AK3: variants seen among roughly 807,000 people sequenced by gnomAD.
AK3 encodes the protein adenylate kinase 3, also known as GTP:AMP phosphotransferase AK3, mitochondrial.
A neutral mutation model predicts 23.7 loss-of-function variants in AK3; 27 were observed. The ratio of observed to expected loss-of-function variants is 1.14; its 90% CI spans 0.84 to 1.57. AK3 has a LOEUF of 1.57. AK3 is among the 40% of genes most tolerant of loss of function. AK3 has a pLI of 0.00. For synonymous variants in AK3, 159 were observed against 116.0 expected, an observed-to-expected ratio of 1.37 and a Z score of -2.38; for missense variants, 406 against 285.6, an observed-to-expected ratio of 1.42 and a Z score of -3.04.
intron 1 of AK3, among the ~76,000 whole-genome samples, chr9:4,731,267 T>G (rs1295370870): frequency 6.6e-6 from 1 of 152,082 alleles, no homozygotes; most frequent in Non-Finnish European, 1.5e-5. Flanking sequence ...CTCTCCCTCC[T>G]CCCCACCTCC....
chr9:4,722,478 G>A, intron 2 of AK3, 28 bp downstream of exon 2: 1 of 1,613,900 alleles, frequency 6.2e-7, no homozygotes, highest in Non-Finnish European at 8.5e-7. Flanking sequence ...ATTTTGGGCA[G>A]GTGAAATGCT....
intron 1 of AK3, among the ~76,000 whole-genome samples, chr9:4,734,728 C>A (rs981216057): frequency 6.6e-6 from 1 of 152,046 alleles, no homozygotes; most frequent in East Asian, 1.9e-4. Flanking sequence ...CATAAGATAA[C>A]AGAAAAAGAG....
chr9:4,737,598 C>T (rs1367217311), intron 1 of AK3, among the ~76,000 whole-genome samples: 2 of 152,122 alleles, frequency 1.3e-5, no homozygotes, highest in Non-Finnish European at 2.9e-5. Context: ...CCTGTAGTCC[C>T]AGCTACCTGA....
intron 1 of AK3, among the ~76,000 whole-genome samples, chr9:4,737,965 G>A (rs917384491): frequency 2.0e-5 from 3 of 152,058 alleles, no homozygotes; most frequent in African/African-American, 7.2e-5. Flanking sequence ...AACTAAATTG[G>A]CACAATCCTT....
At chr9:4,715,744 G>A (rs1841709495) in intron 4 of AK3, among the ~76,000 whole-genome samples, 1 of 152,038 alleles carries the variant, frequency 6.6e-6, no homozygotes, top group African/African-American at 2.4e-5. Context: ...AACAACCCCT[G>A]GTACTTCACT....
At position 4,711,985 on chromosome 9, in the gene AK3, C is replaced by T. The variant is rs1347173624; in HGVS notation, c.*991G>A. 6.6e-6 allele frequency: 1 copy of T among 152,176 alleles called. No homozygotes were observed. Among genetic ancestry groups the T allele is most frequent in the Non-Finnish European group, 1.5e-5 (1 of 68,014 alleles). 9.4% of individuals were successfully genotyped at this position (152,176 alleles called of 1,614,324 possible). ...TTATGCCAAGGGAGCATTTCCCAGG[C>T]ATGCCTCATCTATTTACTAACAACA... On this transcript the variant is annotated 3_prime_UTR_variant, in exon 5 of 5. Transcript: ENST00000381809.
chr9:4,732,553 T>C (rs1229977027), intron 1 of AK3, among the ~76,000 whole-genome samples: 1 of 152,180 alleles, frequency 6.6e-6, no homozygotes, highest in Non-Finnish European at 1.5e-5. Context: ...AAGTAAATTA[T>C]TTATGATAAG....
In AK3 at chr9:4,714,164, A is replaced by ACCTCCACACATACG. The variant is rs1184085748; in HGVS notation, c.564-1082_564-1069dup. On this transcript the variant is annotated intron_variant, in intron 4 of 4. Coordinates refer to ENST00000381809, the MANE Select transcript of AK3 (RefSeq NM_016282.4). Reference sequence around the variant, plus strand: ...CATATACACACCTCCACATACACACACCTCCACACATACGCCTCCACATAC... The same window carrying ACCTCCACACATACG: ...CATATACACACCTCCACATACACACACCTCCACACATACGCCTCCACACATACGCCTCCACATAC... Among the ~76,000 whole-genome samples, 2 of 70,124 alleles carry ACCTCCACACATACG rather than the reference A, an allele frequency of 2.9e-5. 1 individual carries two copies. Among genetic ancestry groups the ACCTCCACACATACG allele is most frequent in the Non-Finnish European group, 6.2e-5 (2 of 32,088 alleles). 46.0% of individuals were successfully genotyped at this position (70,124 alleles called of 152,430 possible).
At chr9:4,716,912 CAG>C (rs1302571356) in intron 4 of AK3, among the ~76,000 whole-genome samples, 1 of 152,160 alleles carries the variant, frequency 6.6e-6, no homozygotes, top group African/African-American at 2.4e-5. Context: ...ACCTGGGTGA[CAG>C]AGTGAGACCC....
chr9:4,723,953 G>GTGTGGT (rs149082825), intron 1 of AK3, among the ~76,000 whole-genome samples: 4 of 152,084 alleles, frequency 2.6e-5, no homozygotes, highest in African/African-American at 9.7e-5. Context: ...TTGCCATACT[G>GTGTGGT]ACCCCAAAAC....
At chr9:4,741,936 A>C (rs935991233), upstream of AK3, 2 of 151,964 alleles carry the variant, frequency 1.3e-5, no homozygotes, top group African/African-American at 4.8e-5. Context: ...CTCTGTGTAG[A>C]ATCACAGGGA....
At chr9:4,729,684 G>A (rs1275012390) in intron 1 of AK3, among the ~76,000 whole-genome samples, 4 of 151,798 alleles carry the variant, frequency 2.6e-5, no homozygotes, top group African/African-American at 7.3e-5. Flanking sequence ...AAAAAAATAC[G>A]GGCATGGTGG....
chr9:4,715,216 CAAAAAAAAAA>C (rs1237615381), intron 4 of AK3, among the ~76,000 whole-genome samples: 1 of 56,982 alleles, frequency 1.8e-5, no homozygotes, highest in Non-Finnish European at 3.4e-5. Flanking sequence ...GACTCCGTCT[CAAAAAAAAAA>C]AAAAAAAAAA....
chr9:4,712,968 A>T lies in AK3; in HGVS notation c.*8T>A. On this transcript the variant is annotated 3_prime_UTR_variant, in exon 5 of 5. Transcript: ENST00000381809. ...CATCTTACTATTAATAGTTACACAC[A>T]TTTCTCCTCATGGAGTAACTGAAGC... The T allele has an allele frequency of 6.2e-7, 1 of 1,612,376 alleles. No homozygotes were observed. Among genetic ancestry groups the T allele is most frequent in the Non-Finnish European group, 8.5e-7 (1 of 1,179,220 alleles).
At chr9:4,728,239 G>C (rs989509398) in intron 1 of AK3, among the ~76,000 whole-genome samples, 1 of 152,190 alleles carries the variant, frequency 6.6e-6, no homozygotes, top group Admixed American at 6.5e-5. Flanking sequence ...AAAAGATACA[G>C]TACCTGTGAA....
intron 1 of AK3, among the ~76,000 whole-genome samples, chr9:4,724,528 A>G (rs946015471): frequency 4.6e-5 from 7 of 152,228 alleles, no homozygotes; most frequent in Admixed American, 1.3e-4. Flanking sequence ...AAAGAAATAG[A>G]AAGCATCCAG....
intron 1 of AK3, among the ~76,000 whole-genome samples, chr9:4,739,996 G>C (rs144975966): frequency 2.7e-5 from 4 of 150,238 alleles, no homozygotes; most frequent in Admixed American, 1.3e-4. Flanking sequence ...ATGGGACTGA[G>C]GTAGGGAACG....
In AK3 at chr9:4,711,969, G is replaced by A. The variant is rs1268564619; in HGVS notation, c.*1007C>T. On this transcript the variant is annotated 3_prime_UTR_variant, in exon 5 of 5. Coordinates refer to ENST00000381809, the MANE Select transcript of AK3 (RefSeq NM_016282.4). ...TATGATTGATTGCTATTTATGCCAAGGGAGCATTTCCCAGGCATGCCTCAT... is the reference window on the plus strand; with the variant it reads ...TATGATTGATTGCTATTTATGCCAAAGGAGCATTTCCCAGGCATGCCTCAT... 6.6e-6 allele frequency: 1 copy of A among 152,168 alleles called. No homozygotes were observed. Among genetic ancestry groups the A allele is most frequent in the Non-Finnish European group, 1.5e-5 (1 of 68,028 alleles). The allele number at this position is 152,168 out of a possible 1,614,324, so 9.4% of individuals were successfully genotyped here. A position where few individuals can be genotyped will look rare whatever the true frequency, so the allele number is the denominator to read the frequency against.
intron 3 of AK3, among the ~76,000 whole-genome samples, chr9:4,718,756 G>A (rs949232108): frequency 6.8e-6 from 1 of 147,974 alleles, no homozygotes; most frequent in East Asian, 2.2e-4. Flanking sequence ...TTTAGCCTTA[G>A]AGTAAAAGGT....
Sources: allele counts gnomAD v4.1 joint callset (sites outside exome capture counted in the v4.1 genomes callset), GRCh38; gene constraint gnomAD v4.1.1; transcripts MANE v1.5; gene names NCBI Gene and HGNC (gene_info 2026-07-23, HGNC 2026-07-21).